CHRNA7: variants seen among roughly 807,000 people sequenced by gnomAD.
CHRNA7 encodes the protein neuronal acetylcholine receptor subunit alpha-7.
Under a neutral mutation model 48.0 loss-of-function variants are expected in CHRNA7, and 17 were observed. That is an observed-to-expected ratio of 0.35 (90% CI 0.24 to 0.53). The LOEUF is 0.53. Ranked by LOEUF, CHRNA7 falls within the 20% of genes least tolerant of loss-of-function variation. The pLI is 0.92. For synonymous variants in CHRNA7, 75 were observed against 242.3 expected, an observed-to-expected ratio of 0.31 and a Z score of 6.41; for missense variants, 155 against 577.7, an observed-to-expected ratio of 0.27 and a Z score of 7.50.
intron 4 of CHRNA7, among the ~76,000 whole-genome samples, chr15:32,133,623 C>T (rs898416213): frequency 6.6e-5 from 10 of 152,190 alleles, no homozygotes; most frequent in African/African-American, 2.2e-4. Flanking sequence ...CAGTGCAAGA[C>T]GATGAAAAAG....
intron 4 of CHRNA7, among the ~76,000 whole-genome samples, chr15:32,117,491 T>C (rs2050893309): frequency 1.3e-5 from 2 of 152,166 alleles, no homozygotes; most frequent in Non-Finnish European, 2.9e-5. Flanking sequence ...TCTAGTTGCT[T>C]TCACCCTGCT....
At chr15:32,134,586 T>C (rs2051214498) in intron 4 of CHRNA7, among the ~76,000 whole-genome samples, 1 of 152,188 alleles carries the variant, frequency 6.6e-6, no homozygotes, top group East Asian at 1.9e-4. Context: ...TTTTTAAAAA[T>C]CAGCTAAAAA....
intron 9 of CHRNA7, chr15:32,166,343 T>A (rs1374311382): frequency 6.6e-6 from 1 of 152,214 alleles, no homozygotes; most frequent in Non-Finnish European, 1.5e-5. Flanking sequence ...ATGTCCCTGC[T>A]CCTTACTGAT....
intron 4 of CHRNA7, among the ~76,000 whole-genome samples, chr15:32,114,978 C>T (rs1382038272): frequency 1.3e-5 from 2 of 152,252 alleles, no homozygotes; most frequent in East Asian, 3.9e-4. Context: ...ACTGTGCACC[C>T]ACCCCTTCTG....
rs1044190981 is a variant in CHRNA7 at position 32,079,784 on chromosome 15, A to G, written c.196-21519A>G. ...CATTGACATTCTTCACAAAATTAGA[A>G]AAAAAAAAACTACTTTAAAATTCAT... On this transcript the variant is annotated intron_variant, in intron 2 of 9. Coordinates refer to ENST00000306901, the MANE Select transcript of CHRNA7 (RefSeq NM_000746.6). 2.7e-4 allele frequency among the ~76,000 whole-genome samples: 13 copies of G among 48,060 alleles called. No individual in the cohort carries two copies. The South Asian group carries it at 4.8e-3, about 18-fold the overall frequency. 31.5% of individuals were successfully genotyped at this position (48,060 alleles called of 152,430 possible).
intron 4 of CHRNA7, among the ~76,000 whole-genome samples, chr15:32,141,279 A>G (rs2051373629): frequency 6.6e-6 from 1 of 152,098 alleles, no homozygotes; most frequent in African/African-American, 2.4e-5. Context: ...CCATTGGTCT[A>G]TATCTCTGTT....
chr15:32,122,783 C>T (rs117607568), intron 4 of CHRNA7, among the ~76,000 whole-genome samples: 1 of 151,236 alleles, frequency 6.6e-6, no homozygotes, highest in South Asian at 2.1e-4. Context: ...CAATACCATA[C>T]TGAGAGCTAA....
intron 2 of CHRNA7, among the ~76,000 whole-genome samples, chr15:32,070,669 CTTTTTTTTTTTTTTTTTTTT>C (rs71113441): frequency 4.9e-5 from 2 of 40,850 alleles, no homozygotes; most frequent in East Asian, 6.2e-4. Context: ...GGTTTAGTTC[CTTTTTTTTTTTTTTTTTTTT>C]TTTTTTTTTT....
intron 4 of CHRNA7, among the ~76,000 whole-genome samples, chr15:32,148,579 G>A (rs879802983): frequency 1.1e-4 from 17 of 152,196 alleles, no homozygotes; most frequent in Non-Finnish European, 2.2e-4. Flanking sequence ...GGAAGGAAAG[G>A]TGTGATCTCA....
intron 2 of CHRNA7, among the ~76,000 whole-genome samples, chr15:32,089,895 G>T (rs752811198): frequency 6.6e-6 from 1 of 152,116 alleles, no homozygotes; most frequent in Non-Finnish European, 1.5e-5. Context: ...GAGCCTTCAG[G>T]TTCTTCTAGT....
intron 2 of CHRNA7, among the ~76,000 whole-genome samples, chr15:32,055,427 T>C (rs1216336862): frequency 1.3e-5 from 2 of 152,194 alleles, no homozygotes; most frequent in Non-Finnish European, 2.9e-5. Flanking sequence ...AAGGTGCCAG[T>C]ATCTGGCATA....
chr15:32,138,872 G>T (rs2051324503), intron 4 of CHRNA7, among the ~76,000 whole-genome samples: 1 of 152,238 alleles, frequency 6.6e-6, no homozygotes, highest in East Asian at 1.9e-4. Context: ...TCCCACCTCA[G>T]CCTCCTGAGT....
Position 32,168,755 on chromosome 15 carries a change from A to AAT in CHRNA7, c.*297_*298insAT. The AAT allele has an allele frequency of 2.0e-3, 78 of 38,796 alleles. No individual in the cohort carries two copies. Among genetic ancestry groups the AAT allele is most frequent in the Middle Eastern group, 0.011 (2 of 186 alleles). The allele number at this position is 38,796 out of a possible 1,614,324, so 2.4% of individuals were successfully genotyped here. A position where few individuals can be genotyped will look rare whatever the true frequency, so the allele number is the denominator to read the frequency against. On this transcript the variant is annotated 3_prime_UTR_variant, in exon 10 of 10. Transcript: ENST00000306901. ...CCACTGCCTGGAAAGCCCTTCGGAGAGCTCCCCATGGCTCCTCACCACCGA... is the reference window on the plus strand; with the variant it reads ...CCACTGCCTGGAAAGCCCTTCGGAGAATGCTCCCCATGGCTCCTCACCACCGA...
intron 3 of CHRNA7, chr15:32,102,738 C>T (rs905840255): frequency 1.3e-5 from 2 of 152,166 alleles, no homozygotes; most frequent in African/African-American, 4.8e-5. Flanking sequence ...ATAGTTTTCA[C>T]TTCAATTCTG....
chr15:32,118,249 C>G (rs1452788336), intron 4 of CHRNA7, among the ~76,000 whole-genome samples: 1 of 152,186 alleles, frequency 6.6e-6, no homozygotes, highest in Non-Finnish European at 1.5e-5. Flanking sequence ...AGATGCAGCT[C>G]CTTGACCTCG....
chr15:32,046,794 T>C (rs1480645913), intron 2 of CHRNA7, among the ~76,000 whole-genome samples: 1 of 152,040 alleles, frequency 6.6e-6, no homozygotes, highest in African/African-American at 2.4e-5. Flanking sequence ...AGGGTTTTTA[T>C]GGTTTTAGGT....
intron 3 of CHRNA7, chr15:32,102,452 C>T (rs1047772135): frequency 6.6e-6 from 1 of 152,116 alleles, no homozygotes; most frequent in Admixed American, 6.6e-5. Flanking sequence ...GGCCGAAAGT[C>T]TTTTATTAAT....
rs1012727639 is a variant in CHRNA7 at position 32,149,277 on chromosome 15, C to A, written c.351-4630C>A. ...GAGAATGAATCCCTGCAGCCCTACC[C>A]CTGTTTCCACGGTTATGGGTGTTTG... On this transcript the variant is annotated intron_variant, in intron 4 of 9. Coordinates refer to ENST00000306901, the MANE Select transcript of CHRNA7 (RefSeq NM_000746.6). The surrounding 1 kb of genome is among the most constrained non-coding windows in gnomAD (Gnocchi z 4.6). Among the ~76,000 whole-genome samples the A allele has an allele frequency of 2.0e-5, 3 of 152,200 alleles. No individual in the cohort carries two copies. The highest frequency in any genetic ancestry group is 4.4e-5 in the Non-Finnish European group (3 of 68,030).
intron 2 of CHRNA7, among the ~76,000 whole-genome samples, chr15:32,090,153 C>T (rs1178454539): frequency 6.6e-6 from 1 of 152,158 alleles, no homozygotes; most frequent in Non-Finnish European, 1.5e-5. Context: ...AGTGGTATAG[C>T]TTTTTCCCTT....
Sources: gnomAD v4.1 joint callset for allele counts (sites outside exome capture counted in the v4.1 genomes callset) on GRCh38, gnomAD v4.1.1 for gene constraint, Gnocchi (gnomAD v3.1) non-coding constraint, MANE v1.5 for transcripts, NCBI Gene and HGNC (gene_info 2026-07-23, HGNC 2026-07-21) for gene names.